The following IL5 variants were observed in gnomAD, a reference collection of about 807,000 sequenced individuals.
The protein encoded by IL5 is interleukin-5.
IL5 carries 12 observed loss-of-function variants against 16.3 expected under a neutral mutation model. That is an observed-to-expected ratio of 0.74 (90% CI 0.47 to 1.20). IL5 has a LOEUF of 1.20. Among genes scored for constraint, IL5 ranks in the 50% most tolerant of loss-of-function variants. IL5 has a pLI of 0.00. For synonymous variants in IL5, 54 were observed against 56.6 expected, an observed-to-expected ratio of 0.95 and a Z score of 0.21; for missense variants, 159 against 153.9, an observed-to-expected ratio of 1.03 and a Z score of -0.17.
At position 132,541,770 on chromosome 5, in the gene IL5, T is replaced by TTC; in HGVS notation, c.*39_*40dup. 1.5e-6 allele frequency: 2 copies of TTC among 1,336,702 alleles called. No homozygotes were observed. Among genetic ancestry groups the TTC allele is most frequent in the East Asian group, 4.6e-5 (2 of 43,472 alleles). The allele number at this position is 1,336,702 out of a possible 1,614,324, so 82.8% of individuals were successfully genotyped here. On this transcript the variant is annotated 3_prime_UTR_variant, in exon 4 of 4. Coordinates refer to ENST00000231454, the MANE Select transcript of IL5 (RefSeq NM_000879.3). ...TCATTCTCACTGCAGTAAAATGTCC[T>TTC]TCTCCTCCAAAATCTTTGGCTGCAA...
At chr5:132,551,646 C>T (rs1003013655) in intron 1 of IL5, among the ~76,000 whole-genome samples, 4 of 152,142 alleles carry the variant, frequency 2.6e-5, no homozygotes, top group Non-Finnish European at 4.4e-5. Flanking sequence ...AAAGCTCCAG[C>T]CACCTGCAAA....
At chr5:132,543,541 C>T (rs1749737618), upstream of IL5, 6 of 1,502,188 alleles carry the variant, frequency 4.0e-6, no homozygotes, top group Non-Finnish European at 2.7e-6. Flanking sequence ...ACTGCGTCCC[C>T]AGTCAATTTA....
chr5:132,542,578 G>T (rs1446981831), intron 2 of IL5, among the ~76,000 whole-genome samples: 4 of 151,988 alleles, frequency 2.6e-5, no homozygotes, highest in Non-Finnish European at 5.9e-5. Flanking sequence ...ATTCTATTTA[G>T]ACTAATAAAA....
chr5:132,548,369 T>C (rs1163988157), upstream of IL5, among the ~76,000 whole-genome samples: 2 of 152,200 alleles, frequency 1.3e-5, no homozygotes, highest in African/African-American at 4.8e-5. Flanking sequence ...ACTAGCCTAT[T>C]GTAGACAGTA....
upstream of IL5, chr5:132,543,610 T>A (rs1437046792): frequency 7.7e-6 from 6 of 775,924 alleles, no homozygotes; most frequent in East Asian, 1.7e-4. Context: ...TGCCTAATAA[T>A]GGCATATCGT....
upstream of IL5, chr5:132,543,618 C>T (rs998383619): frequency 2.0e-5 from 14 of 705,822 alleles, no homozygotes; most frequent in Middle Eastern, 4.2e-4. Flanking sequence ...AATGGCATAT[C>T]GTGAAACTAA....
upstream of IL5, among the ~76,000 whole-genome samples, chr5:132,548,095 A>G (rs1159246004): frequency 6.6e-6 from 1 of 151,964 alleles, no homozygotes; most frequent in Non-Finnish European, 1.5e-5. Context: ...AAATAATAAT[A>G]CTGCACATTG....
In IL5 at chr5:132,542,993, T is replaced by C. The variant is rs550846478; in HGVS notation, c.177+101A>G. 3.6e-4 allele frequency: 316 copies of C among 882,318 alleles called. 3 individuals are homozygous for C. The highest frequency in any genetic ancestry group is 3.4e-3 in the South Asian group (228 of 66,938). 54.7% of individuals were successfully genotyped at this position (882,318 alleles called of 1,614,324 possible). On this transcript the variant is annotated intron_variant, in intron 2 of 3. Transcript: ENST00000231454. ...CAGCCACCCATATGAAAACAAAATA[T>C]AGAAAATTAAATAGTTCCAATGATA... is the stretch of plus-strand genomic sequence containing the variant.
At chr5:132,555,795 G>A (rs1334279907) in intron 1 of IL5, among the ~76,000 whole-genome samples, 1 of 152,208 alleles carries the variant, frequency 6.6e-6, no homozygotes, top group African/African-American at 2.4e-5. Flanking sequence ...GATTACAGGC[G>A]TGAGCCACCG....
chr5:132,555,186 T>C (rs1749955015), intron 1 of IL5, among the ~76,000 whole-genome samples: 1 of 152,190 alleles, frequency 6.6e-6, no homozygotes, highest in Non-Finnish European at 1.5e-5. Context: ...TGCCACCAGG[T>C]TCCTAACAGG....
At position 132,553,510 on chromosome 5, in the gene IL5, T is replaced by G. The variant is rs1252067813; in HGVS notation, c.42+3164A>C. On this transcript the variant is annotated intron_variant, in intron 1 of 2. Transcript: ENST00000450655. ...AGTAGAGGTAATTACATTTCTTGCTTCTTCTTTTATTGCTTCCCGAAATAT... is the reference window on the plus strand; with the variant it reads ...AGTAGAGGTAATTACATTTCTTGCTGCTTCTTTTATTGCTTCCCGAAATAT... Among the ~76,000 whole-genome samples, 11 of 152,378 alleles carry G rather than the reference T, an allele frequency of 7.2e-5. No homozygotes were observed. The South Asian group carries it at 1.7e-3, about 23-fold the overall frequency.
In IL5 at chr5:132,543,345, A is replaced by G. The variant is rs368875825; in HGVS notation, c.134T>C (p.Ile45Thr). 28 of 1,614,058 alleles carry G rather than the reference A, an allele frequency of 1.7e-5. No individual in the cohort carries two copies. The East Asian group carries it at 3.3e-4, about 19-fold the overall frequency. The change falls in exon 1 of 4, where the codon ATA (isoleucine) becomes ACA (threonine). Residue 45 changes from isoleucine to threonine, a missense_variant. Physicochemically the swap from Ile to Thr is moderately conservative, Grantham distance 89. Transcript: ENST00000231454. ...ALLSTHRTLL[I>T]ANETLRIPVP... is the part of the protein sequence containing the mutation. Reference sequence around the variant, plus strand: ...CATAAAGAAAATTACCTCATTGGCTATCAGCAGAGTTCGATGAGTAGAAAG... The same window carrying G: ...CATAAAGAAAATTACCTCATTGGCTGTCAGCAGAGTTCGATGAGTAGAAAG...
upstream of IL5, among the ~76,000 whole-genome samples, chr5:132,545,388 C>T (rs1749767021): frequency 6.6e-6 from 1 of 152,150 alleles, no homozygotes; most frequent in Non-Finnish European, 1.5e-5. Flanking sequence ...CAAGGTGGCT[C>T]ATGCTTGTAA....
At chr5:132,549,124 C>T (rs1020630287) in intron 1 of IL5, among the ~76,000 whole-genome samples, 10 of 152,118 alleles carry the variant, frequency 6.6e-5, no homozygotes, top group African/African-American at 2.2e-4. Flanking sequence ...GGTGCAATCT[C>T]GGCTCACTGC....
rs1561620369 is a variant in IL5, at chr5:132,542,162, TA to T, written c.178-20del. On this transcript the variant is annotated intron_variant, in intron 2 of 3. Coordinates refer to ENST00000231454, the MANE Select transcript of IL5 (RefSeq NM_000879.3). Reference sequence around the variant, plus strand: ...GTTGGTGCTAAATGAGGAAAATTTTTAAAATGCAAATAATCAAGACAAGGTA... The same window carrying T: ...GTTGGTGCTAAATGAGGAAAATTTTTAAATGCAAATAATCAAGACAAGGTA... The T allele has an allele frequency of 1.3e-6, 2 of 1,598,274 alleles. No individual in the cohort carries two copies. Among genetic ancestry groups the T allele is most frequent in the East Asian group, 4.5e-5 (2 of 44,714 alleles).
At chr5:132,551,765 G>A (rs986705483) in intron 1 of IL5, among the ~76,000 whole-genome samples, 3 of 152,014 alleles carry the variant, frequency 2.0e-5, no homozygotes, top group Admixed American at 6.6e-5. Flanking sequence ...GAATAGAAGT[G>A]TTTTCATCTT....
At chr5:132,551,067 A>G (rs1749876163) in intron 1 of IL5, among the ~76,000 whole-genome samples, 1 of 152,212 alleles carries the variant, frequency 6.6e-6, no homozygotes, top group Non-Finnish European at 1.5e-5. Flanking sequence ...GTGCCCAGTA[A>G]AAGAATAGAA....
rs1246160793 is a variant in IL5 at position 132,543,439 on chromosome 5, C to G, written c.40G>C (p.Ala14Pro). 6.2e-7 allele frequency: 1 copy of G among 1,614,082 alleles called. No individual in the cohort carries two copies. Among genetic ancestry groups the G allele is most frequent in the Non-Finnish European group, 8.5e-7 (1 of 1,179,964 alleles). ...GTGGGGATGGCATACACGTAGGCAG[C>G]TCCAAGAGCTAGCAAACTCAAATGC... ...LLHLSLLALG[A>P]AYVYAIPTEI... The change falls in exon 1 of 4, where the codon GCT (alanine) becomes CCT (proline). Residue 14 changes from alanine (A) to proline (P), a missense_variant. Ala to Pro is a conservative substitution (Grantham distance 27). Coordinates refer to ENST00000231454, the MANE Select transcript of IL5 (RefSeq NM_000879.3).
chr5:132,545,509 T>C (rs963360292), upstream of IL5, among the ~76,000 whole-genome samples: 1 of 152,012 alleles, frequency 6.6e-6, no homozygotes, highest in Non-Finnish European at 1.5e-5. Flanking sequence ...AAAATTGGGC[T>C]AAACACAGTG....
Sources: gnomAD v4.1 joint callset for allele counts (sites outside exome capture counted in the v4.1 genomes callset) on GRCh38, gnomAD v4.1.1 for gene constraint, MANE v1.5 for transcripts, NCBI Gene and HGNC (gene_info 2026-07-23, HGNC 2026-07-21) for gene names.